Variants in FUT8 observed in about 807,000 individuals in gnomAD.
The protein encoded by FUT8 is alpha-(1,6)-fucosyltransferase.
Under a neutral mutation model 71.3 loss-of-function variants are expected in FUT8, and 29 were observed. The observed-to-expected ratio is 0.41, with a 90% CI of 0.30 to 0.55. The LOEUF (loss-of-function observed/expected upper bound fraction) is 0.55, where lower values mean the gene tolerates loss of function less well. Ranked by LOEUF, FUT8 falls within the 20% of genes least tolerant of loss-of-function variation. FUT8 has a pLI of 0.34. For synonymous variants in FUT8, 254 were observed against 239.3 expected (o/e 1.06, Z -0.57); for missense variants, 544 against 702.1 (o/e 0.77, Z 2.55).
At chr14:65,460,043 A>G (rs193097098) in intron 2 of FUT8, among the ~76,000 whole-genome samples, 17 of 152,300 alleles carry the variant, frequency 1.1e-4, no homozygotes, top group African/African-American at 4.1e-4. Flanking sequence ...GTTTATACAG[A>G]TTTTTGAGAG....
rs369692439 is a variant in FUT8 at position 65,517,489 on chromosome 14, G to A, written c.-227-43848G>A. ...CTGAGCTCTGATGCAAACCAGCATC[G>A]TTTCTTGCCAAAATTTTTGTTTGTT... is the stretch of plus-strand genomic sequence containing the variant. On this transcript the variant is annotated intron_variant, in intron 2 of 10. Transcript: ENST00000673929. Among the ~76,000 whole-genome samples the A allele has an allele frequency of 2.7e-4, 41 of 152,240 alleles. 1 individual carries two copies. The South Asian group carries it at 8.3e-3, about 31-fold the overall frequency.
intron 2 of FUT8, among the ~76,000 whole-genome samples, chr14:65,522,560 G>C (rs576266257): frequency 1.9e-4 from 29 of 152,112 alleles, no homozygotes; most frequent in Middle Eastern, 6.8e-3. Flanking sequence ...TTTAGGAAAG[G>C]AATGTCAAAA....
chr14:65,409,227 G>C (rs546555542), upstream of FUT8, among the ~76,000 whole-genome samples: 4 of 152,298 alleles, frequency 2.6e-5, no homozygotes, highest in African/African-American at 9.6e-5. The surrounding 1 kb of genome is among the most constrained non-coding windows in gnomAD (Gnocchi z 5.4). Flanking sequence ...AATGTAGCTA[G>C]AGCAACAATT....
At chr14:65,365,093 C>T in the FUT8 span, among the ~76,000 whole-genome samples, 2 of 152,170 alleles carry the variant, frequency 1.3e-5, no homozygotes, top group African/African-American at 4.8e-5. Context: ...GGTATTCTCC[C>T]CTTATTTGGC....
At chr14:65,701,794 A>G (rs1019083799) in intron 7 of FUT8, among the ~76,000 whole-genome samples, 2 of 152,176 alleles carry the variant, frequency 1.3e-5, no homozygotes, top group African/African-American at 4.8e-5. Context: ...ATTATAGAGA[A>G]AAATCTGTAT....
the FUT8 span, among the ~76,000 whole-genome samples, chr14:65,383,443 T>G: frequency 6.6e-6 from 1 of 151,978 alleles, no homozygotes; most frequent in African/African-American, 2.4e-5. Context: ...CTCAGCTAAT[T>G]TTTATATTTT....
At chr14:65,420,056 G>C (rs1360875181) in intron 1 of FUT8, among the ~76,000 whole-genome samples, 1 of 152,062 alleles carries the variant, frequency 6.6e-6, no homozygotes, top group Non-Finnish European at 1.5e-5. Context: ...TGCTGAGTAA[G>C]CTGAAAAGAT....
At chr14:65,518,676 C>T (rs1882871736) in intron 2 of FUT8, among the ~76,000 whole-genome samples, 1 of 152,100 alleles carries the variant, frequency 6.6e-6, no homozygotes, top group South Asian at 2.1e-4. Flanking sequence ...AGGTGTGCGC[C>T]ACCATGCCAG....
At chr14:65,587,656 G>A (rs1472237803) in intron 3 of FUT8, among the ~76,000 whole-genome samples, 1 of 152,152 alleles carries the variant, frequency 6.6e-6, no homozygotes, top group Non-Finnish European at 1.5e-5. Flanking sequence ...TGAGATTCAG[G>A]ACACTGAATC....
chr14:65,412,028 T>G (rs1566730521), upstream of FUT8: 3 of 456,516 alleles, frequency 6.6e-6, no homozygotes, highest in African/African-American at 6.0e-5. Context: ...CTCTCCCCTC[T>G]CCCCGTGCTG....
At chr14:65,359,027 T>C in the FUT8 span, among the ~76,000 whole-genome samples, 1 of 152,214 alleles carries the variant, frequency 6.6e-6, no homozygotes, top group East Asian at 1.9e-4. Context: ...GAGTCCATAT[T>C]CACACTTTTT....
At chr14:65,506,652 G>A (rs777279933) in intron 2 of FUT8, among the ~76,000 whole-genome samples, 2 of 151,934 alleles carry the variant, frequency 1.3e-5, no homozygotes, top group Admixed American at 6.6e-5. Context: ...TAATTTTCGC[G>A]GGTACATAGT....
At chr14:65,575,741 C>T (rs72714499) in intron 3 of FUT8, among the ~76,000 whole-genome samples, 21,362 of 151,964 alleles carry the variant, frequency 0.14, 2,004 homozygotes, top group South Asian at 0.28. Flanking sequence ...ACCTCGGCCT[C>T]CCGAGTAGCT....
chr14:65,360,623 T>C, the FUT8 span, among the ~76,000 whole-genome samples: 1 of 152,182 alleles, frequency 6.6e-6, no homozygotes, highest in African/African-American at 2.4e-5. Flanking sequence ...AATGAGGAGA[T>C]GGGGATCCAG....
At chr14:65,412,500 G>C, upstream of FUT8, 1 of 362,526 alleles carries the variant, frequency 2.8e-6, no homozygotes, top group Non-Finnish European at 5.5e-6. Flanking sequence ...CTACGCCTGT[G>C]TGCGAGCCGG....
At chr14:65,639,509 G>C (rs1445243672) in intron 6 of FUT8, among the ~76,000 whole-genome samples, 1 of 148,130 alleles carries the variant, frequency 6.8e-6, no homozygotes. Context: ...TTCAAATCCA[G>C]ACACACACAC....
intron 1 of FUT8, among the ~76,000 whole-genome samples, chr14:65,446,226 T>C (rs775290495): frequency 6.6e-6 from 1 of 152,218 alleles, no homozygotes; most frequent in Non-Finnish European, 1.5e-5. Flanking sequence ...CCTTGTAGAG[T>C]TTCCCACAGT....
chr14:65,380,365 C>A, the FUT8 span, among the ~76,000 whole-genome samples: 1 of 152,158 alleles, frequency 6.6e-6, no homozygotes, highest in South Asian at 2.1e-4. Context: ...CTGGGAGATA[C>A]AATTCAAGTT....
chr14:65,439,894 A>G (rs1397513308), intron 1 of FUT8, among the ~76,000 whole-genome samples: 1 of 148,206 alleles, frequency 6.7e-6, no homozygotes, highest in Non-Finnish European at 1.5e-5. Context: ...GCTAAGATAT[A>G]GAATCAACCT....
Sources: gnomAD v4.1 joint callset for allele counts (sites outside exome capture counted in the v4.1 genomes callset) on GRCh38, gnomAD v4.1.1 for gene constraint, Gnocchi (gnomAD v3.1) non-coding constraint, MANE v1.5 for transcripts, NCBI Gene and HGNC (gene_info 2026-07-23, HGNC 2026-07-21) for gene names.